The following GRIK4 variants were observed in gnomAD, a reference collection of about 807,000 sequenced individuals.
The protein encoded by GRIK4 is glutamate receptor ionotropic, kainate 4.
GRIK4 carries 40 observed loss-of-function variants against 104.9 expected under a neutral mutation model. The ratio of observed to expected loss-of-function variants is 0.38; its 90% CI spans 0.30 to 0.50. The LOEUF is 0.50. Ranked by LOEUF, GRIK4 falls within the 20% of genes least tolerant of loss-of-function variation. GRIK4 has a pLI of 0.93. For synonymous variants in GRIK4, 485 were observed against 524.9 expected, an observed-to-expected ratio of 0.92 and a Z score of 1.04; for missense variants, 1,047 against 1,308.1, an observed-to-expected ratio of 0.80 and a Z score of 3.08.
rs530538984 is a variant in GRIK4 at position 120,649,546 on chromosome 11, G to A, written c.-158-4139G>A. Among the ~76,000 whole-genome samples the A allele has an allele frequency of 1.9e-4, 29 of 152,242 alleles. No individual in the cohort carries two copies. In the East Asian group the frequency reaches 5.2e-3, roughly 27 times the overall value. On this transcript the variant is annotated intron_variant, in intron 1 of 20. Transcript: ENST00000527524. ...TTCCTCTGGCTTTGACCTGAGTACC[G>A]TCACCTGGGAGTCCAGCATAGCCCT...
chr11:120,976,507 C>T lies in GRIK4; in HGVS notation c.2396-5599C>T, dbSNP rs140125186. Among the ~76,000 whole-genome samples the T allele has an allele frequency of 1.9e-3, 286 of 152,298 alleles. 2 individuals carry two copies. Among genetic ancestry groups the T allele is most frequent in the African/African-American group, 6.5e-3 (272 of 41,558 alleles). On this transcript the variant is annotated intron_variant, in intron 19 of 20. Transcript: ENST00000527524. ...TTTACAATAATAAGTCCCTGGAGAT[C>T]GGACTATTTGATACACTTGCATGGC...
At chr11:120,683,851 C>A (rs748166267) in intron 3 of GRIK4, among the ~76,000 whole-genome samples, 1 of 152,192 alleles carries the variant, frequency 6.6e-6, no homozygotes, top group Admixed American at 6.5e-5. Flanking sequence ...CTTGACAGAC[C>A]AGCAGGTTTT....
In GRIK4 at chr11:120,877,200, A is replaced by G. The variant is rs73584417; in HGVS notation, c.1164+1957A>G. ...TTTGTATAATTTCTCAAATGAGAGC[A>G]GGGTTAGGTAGGCAGCCAGAAATTT... On this transcript the variant is annotated intron_variant, in intron 11 of 20. Coordinates refer to ENST00000527524, the MANE Select transcript of GRIK4 (RefSeq NM_014619.5). Among the ~76,000 whole-genome samples, 1,242 of 152,346 alleles carry G rather than the reference A, an allele frequency of 8.2e-3. 16 individuals are homozygous for G. The highest frequency in any genetic ancestry group is 0.028 in the African/African-American group (1,174 of 41,578).
At chr11:120,862,495 A>C (rs1380566463) in intron 9 of GRIK4, among the ~76,000 whole-genome samples, 1 of 152,202 alleles carries the variant, frequency 6.6e-6, no homozygotes, top group Non-Finnish European at 1.5e-5. Context: ...ACTAAAGCCC[A>C]GACTGGAATG....
intron 1 of GRIK4, among the ~76,000 whole-genome samples, chr11:120,521,298 C>G (rs1947794569): frequency 6.6e-6 from 1 of 152,070 alleles, no homozygotes; most frequent in Non-Finnish European, 1.5e-5. Context: ...GACTCAAACT[C>G]CTGAGCTCAA....
chr11:120,820,086 T>TGTGC (rs1394245945), intron 6 of GRIK4, among the ~76,000 whole-genome samples, 166 bp downstream of exon 6: 1 of 68,206 alleles, frequency 1.5e-5, no homozygotes, highest in Non-Finnish European at 3.3e-5. Flanking sequence ...TGTGTCCGTG[T>TGTGC]GTGTGTGTGT....
chr11:120,823,923 G>C (rs752637180), intron 6 of GRIK4, among the ~76,000 whole-genome samples: 3 of 152,220 alleles, frequency 2.0e-5, no homozygotes, highest in Non-Finnish European at 4.4e-5. Context: ...GAGCAGAGCA[G>C]AAGTTCAAGG....
chr11:120,661,935 C>T (rs938300054), intron 3 of GRIK4, among the ~76,000 whole-genome samples: 7 of 152,216 alleles, frequency 4.6e-5, no homozygotes, highest in East Asian at 1.9e-4. Context: ...CAATGCAAAA[C>T]GGTTCATATC....
chr11:120,712,537 C>G (rs770399596), intron 3 of GRIK4, among the ~76,000 whole-genome samples: 1 of 151,644 alleles, frequency 6.6e-6, no homozygotes, highest in Non-Finnish European at 1.5e-5. Context: ...TCTGGAATCC[C>G]AACACATTGG....
chr11:120,853,580 G>A (rs1954025836), intron 8 of GRIK4, among the ~76,000 whole-genome samples: 1 of 152,228 alleles, frequency 6.6e-6, no homozygotes, highest in Admixed American at 6.5e-5. Context: ...GATGTGGACA[G>A]TGAGAGCATG....
At chr11:120,794,558 G>T (rs1952474213) in intron 3 of GRIK4, among the ~76,000 whole-genome samples, 1 of 151,914 alleles carries the variant, frequency 6.6e-6, no homozygotes, top group African/African-American at 2.4e-5. Flanking sequence ...ACATGAAGAG[G>T]AGCTCAGCAC....
intron 9 of GRIK4, 88 bp from the exon 10 acceptor site, chr11:120,873,978 C>A: frequency 8.4e-7 from 1 of 1,194,108 alleles, no homozygotes; most frequent in Non-Finnish European, 1.2e-6. Context: ...TCTTTTCTTC[C>A]TCCATTCCTC....
intron 10 of GRIK4, 23 bp downstream of exon 10, chr11:120,874,241 C>T: frequency 6.3e-7 from 1 of 1,595,574 alleles, no homozygotes. Flanking sequence ...TGAGGCCCTG[C>T]AGGGCTGTGC....
At chr11:120,521,414 A>C (rs941006849) in intron 1 of GRIK4, among the ~76,000 whole-genome samples, 2 of 152,078 alleles carry the variant, frequency 1.3e-5, no homozygotes, top group Non-Finnish European at 2.9e-5. Flanking sequence ...CCAACGGCTT[A>C]TTATGTTCTT....
At position 120,905,254 on chromosome 11, in the gene GRIK4, T is replaced by G; in HGVS notation, c.1273-36T>G. 6 of 1,485,346 alleles carry G rather than the reference T, an allele frequency of 4.0e-6. No homozygotes were observed. The highest frequency in any genetic ancestry group is 5.6e-6 in the Non-Finnish European group (6 of 1,063,502). 92.0% of individuals were successfully genotyped at this position (1,485,346 alleles called of 1,614,324 possible). On this transcript the variant is annotated intron_variant, in intron 12 of 20. Transcript: ENST00000527524. This position sits in a 1 kb window ranked among gnomAD's most constrained non-coding sequence, Gnocchi z 5.1. ...TCACACGCGGGTGAGACACCAGGGC[T>G]AAGATGAGAATGACAGCTGCCCAGT...
chr11:120,968,306 C>T (rs7943727), intron 19 of GRIK4, among the ~76,000 whole-genome samples: 81,958 of 151,958 alleles, frequency 0.54, 22,641 homozygotes, highest in Middle Eastern at 0.64. Flanking sequence ...TATTTCTAGA[C>T]AGTGTTCATT....
chr11:120,970,884 A>G (rs1262164594), intron 19 of GRIK4, among the ~76,000 whole-genome samples: 2 of 152,150 alleles, frequency 1.3e-5, no homozygotes, highest in African/African-American at 4.8e-5. Flanking sequence ...TAGGTTTTGA[A>G]TGGACATTGG....
At chr11:120,551,862 C>T (rs1361210635) in intron 1 of GRIK4, among the ~76,000 whole-genome samples, 1 of 152,094 alleles carries the variant, frequency 6.6e-6, no homozygotes, top group Non-Finnish European at 1.5e-5. Flanking sequence ...ATAAAAGGCC[C>T]AGGAGGACCA....
At chr11:120,934,788 C>T (rs535522227) in intron 13 of GRIK4, among the ~76,000 whole-genome samples, 2 of 152,280 alleles carry the variant, frequency 1.3e-5, no homozygotes, top group African/African-American at 2.4e-5. Context: ...GGCGCACATC[C>T]GCCCCATGCC....
Sources: allele counts gnomAD v4.1 joint callset (sites outside exome capture counted in the v4.1 genomes callset), GRCh38; gene constraint gnomAD v4.1.1; non-coding constraint Gnocchi (gnomAD v3.1); transcripts MANE v1.5; gene names NCBI Gene and HGNC (gene_info 2026-07-23, HGNC 2026-07-21).